Variants in NXPE2 observed in about 807,000 individuals in gnomAD.
NXPE2 encodes NXPE family member 2.
Under a neutral mutation model 34.4 loss-of-function variants are expected in NXPE2, and 34 were observed. The observed-to-expected ratio is 0.99, with a 90% confidence interval of 0.75 to 1.31. The LOEUF is 1.31. Ranked by LOEUF, NXPE2 falls within the 40% of genes most tolerant of loss-of-function variation. NXPE2 has a pLI of 0.00. For missense variants in NXPE2, 649 were observed against 672.5 expected (o/e 0.97, Z 0.39); for synonymous variants, 235 against 231.3 (o/e 1.02, Z -0.15).
the NXPE2 span, among the ~76,000 whole-genome samples, chr11:114,778,530 A>C: frequency 1.3e-5 from 2 of 152,212 alleles, no homozygotes; most frequent in Non-Finnish European, 2.9e-5. Flanking sequence ...GGGGGAGATG[A>C]GAAGTGACTC....
the NXPE2 span, among the ~76,000 whole-genome samples, chr11:114,740,611 C>T: frequency 1.3e-5 from 2 of 151,986 alleles, no homozygotes; most frequent in Non-Finnish European, 2.9e-5. Context: ...TTCCATTTTT[C>T]CATGTGTGAT....
chr11:114,780,294 G>A, the NXPE2 span, among the ~76,000 whole-genome samples: 1 of 152,190 alleles, frequency 6.6e-6, no homozygotes, highest in Non-Finnish European at 1.5e-5. Context: ...CCTGTCTTGG[G>A]CCAAGGAGGC....
chr11:114,530,958 T>C, the NXPE2 span: 1 of 1,480,672 alleles, frequency 6.8e-7, no homozygotes, highest in Non-Finnish European at 9.0e-7. Flanking sequence ...TGTCTAATCA[T>C]TTTTACTTAT....
At chr11:114,495,766 A>AG in the NXPE2 span, among the ~76,000 whole-genome samples, 1,307 of 152,138 alleles carry the variant, frequency 8.6e-3, 17 homozygotes, top group African/African-American at 0.03. Context: ...CTTTAACGCA[A>AG]GGGGTTCCCT....
At chr11:114,665,189 A>T in the NXPE2 span, among the ~76,000 whole-genome samples, 1 of 152,142 alleles carries the variant, frequency 6.6e-6, no homozygotes, top group African/African-American at 2.4e-5. Context: ...ATCTTAGCAA[A>T]ATACAGAAAG....
the NXPE2 span, among the ~76,000 whole-genome samples, chr11:114,779,050 ATCTT>A: frequency 6.6e-6 from 1 of 152,218 alleles, no homozygotes; most frequent in Non-Finnish European, 1.5e-5. Flanking sequence ...CTCTGTAGCC[ATCTT>A]TCTTTCTTGT....
At chr11:114,584,573 C>G in the NXPE2 span, 1 of 164,124 alleles carries the variant, frequency 6.1e-6, no homozygotes, top group African/African-American at 2.4e-5. Context: ...TCAAAAAAGC[C>G]AAGAGGATTA....
the NXPE2 span, chr11:114,551,063 G>T: frequency 6.3e-6 from 7 of 1,103,640 alleles, no homozygotes; most frequent in South Asian, 2.7e-5. Flanking sequence ...ACAGGTGAGG[G>T]CTTACTGTGT....
the NXPE2 span, among the ~76,000 whole-genome samples, chr11:114,662,836 C>T: frequency 6.6e-6 from 1 of 152,168 alleles, no homozygotes; most frequent in Non-Finnish European, 1.5e-5. Context: ...AGGACCCAGT[C>T]CTGGCAACAG....
the NXPE2 span, among the ~76,000 whole-genome samples, chr11:114,735,906 T>C: frequency 4.6e-5 from 7 of 152,280 alleles, no homozygotes; most frequent in Middle Eastern, 3.4e-3. Flanking sequence ...CTATTTTCCC[T>C]AAGCGTCCGC....
chr11:114,803,682 T>G, the NXPE2 span, among the ~76,000 whole-genome samples: 1 of 151,850 alleles, frequency 6.6e-6, no homozygotes, highest in East Asian at 1.9e-4. Context: ...GTTCAAGCAA[T>G]TCTCCTGCCT....
At chr11:114,737,946 G>A in the NXPE2 span, among the ~76,000 whole-genome samples, 1 of 152,162 alleles carries the variant, frequency 6.6e-6, no homozygotes, top group Non-Finnish European at 1.5e-5. Context: ...AATTTGCCGG[G>A]CGTGGTGGTG....
the NXPE2 span, among the ~76,000 whole-genome samples, chr11:114,632,527 C>T: frequency 2.6e-5 from 3 of 115,470 alleles, no homozygotes; most frequent in African/African-American, 1.0e-4. Flanking sequence ...TTATATTTTG[C>T]TATATATTTA....
the NXPE2 span, chr11:114,584,072 T>A: frequency 3.2e-6 from 1 of 312,466 alleles, no homozygotes; most frequent in South Asian, 3.0e-5. Flanking sequence ...CTTAGATTGC[T>A]TTAATCTGAT....
chr11:114,611,234 C>T, the NXPE2 span, among the ~76,000 whole-genome samples: 1 of 151,640 alleles, frequency 6.6e-6, no homozygotes, highest in Non-Finnish European at 1.5e-5. Flanking sequence ...CACTGTTATC[C>T]AGTCAATAAT....
chr11:114,606,083 G>A, the NXPE2 span, among the ~76,000 whole-genome samples: 1 of 151,844 alleles, frequency 6.6e-6, no homozygotes, highest in African/African-American at 2.4e-5. Flanking sequence ...TGAATAATAA[G>A]TATTACCTCA....
chr11:114,612,001 A>C, the NXPE2 span, among the ~76,000 whole-genome samples: 1 of 151,950 alleles, frequency 6.6e-6, no homozygotes, highest in Non-Finnish European at 1.5e-5. Flanking sequence ...AGTGGATAAT[A>C]AGTCATGCCT....
chr11:114,640,750 C>T, the NXPE2 span, among the ~76,000 whole-genome samples: 9 of 151,806 alleles, frequency 5.9e-5, no homozygotes, highest in African/African-American at 2.2e-4. Flanking sequence ...GTTTGTATGT[C>T]TTCTTTTGAA....
the NXPE2 span, among the ~76,000 whole-genome samples, chr11:114,593,790 CAAAT>C: frequency 6.6e-6 from 1 of 151,842 alleles, no homozygotes; most frequent in Non-Finnish European, 1.5e-5. Flanking sequence ...CATCAACAGA[CAAAT>C]ACATAAAGAA....
Sources: allele counts gnomAD v4.1 joint callset (sites outside exome capture counted in the v4.1 genomes callset), GRCh38; gene constraint gnomAD v4.1.1; transcripts MANE v1.5; gene names NCBI Gene and HGNC (gene_info 2026-07-23, HGNC 2026-07-21).